Variants in ATP2A1 observed in about 807,000 individuals in gnomAD.
The protein encoded by ATP2A1 is sarcoplasmic/endoplasmic reticulum calcium ATPase 1.
In ATP2A1, 83 loss-of-function variants were observed where a neutral mutation model predicts 109.5. That is an observed-to-expected ratio of 0.76 (90% confidence interval 0.63 to 0.91). The LOEUF is 0.91. Ranked by LOEUF, ATP2A1 falls within the 40% of genes least tolerant of loss-of-function variation. The pLI, the probability that ATP2A1 is intolerant of heterozygous loss-of-function variation, is 0.00. For synonymous variants in ATP2A1, 505 were observed against 537.6 expected (o/e 0.94, Z 0.84); for missense variants, 1,101 against 1,341.0 (o/e 0.82, Z 2.80).
At position 28,903,654 on chromosome 16, in the gene ATP2A1, A is replaced by G; in HGVS notation, c.2981-46A>G. ...CCACAGCCCCTATAGCCCCCATGCC[A>G]CCTCCCTGCCTTGATAACAGTGCCT... On this transcript the variant is annotated intron_variant, in intron 21 of 22. Coordinates refer to ENST00000395503, the MANE Select transcript of ATP2A1 (RefSeq NM_004320.6). The surrounding 1 kb of genome is among the most constrained non-coding windows in gnomAD (Gnocchi z 5.6). 1 of 1,533,234 alleles carries G rather than the reference A, an allele frequency of 6.5e-7. No homozygotes were observed. The highest frequency in any genetic ancestry group is 2.3e-5 in the East Asian group (1 of 44,146). 95.0% of individuals were successfully genotyped at this position (1,533,234 alleles called of 1,614,324 possible).
chr16:28,901,019 A>C, intron 15 of ATP2A1, 103 bp downstream of exon 15: 1 of 1,456,056 alleles, frequency 6.9e-7, no homozygotes, highest in Non-Finnish European at 9.5e-7. Flanking sequence ...GGTAAGATGC[A>C]AGAAGGGTGG....
rs1747186400 is a variant in ATP2A1, at chr16:28,888,911, C to T, written c.1053C>T (p.Asp351=). 6.2e-7 allele frequency: 1 copy of T among 1,614,182 alleles called. No homozygotes were observed. Among genetic ancestry groups the T allele is most frequent in the Non-Finnish European group, 8.5e-7 (1 of 1,180,030 alleles). The change falls in exon 9 of 23, where the codon GAC becomes GAT. Residue 351 remains aspartate (D), a synonymous_variant. Transcript: ENST00000395503. ...GCTGCACCTCTGTCATCTGTTCCGACAAGACAGGCACCCTCACCACCAACC... is the reference window on the plus strand; with the variant it reads ...GCTGCACCTCTGTCATCTGTTCCGATAAGACAGGCACCCTCACCACCAACC... The part of the protein sequence containing the change: ...TLGCTSVICS[D]KTGTLTTNQM...
rs971636182 is a variant in ATP2A1, at chr16:28,880,819, C to G, written c.220-96C>G. The G allele has an allele frequency of 3.7e-5, 46 of 1,245,702 alleles. No individual in the cohort carries two copies. In the East Asian group the frequency reaches 9.3e-4, roughly 25 times the overall value. 77.2% of individuals were successfully genotyped at this position (1,245,702 alleles called of 1,614,324 possible). A position where few individuals can be genotyped will look rare whatever the true frequency, so the allele number is the denominator to read the frequency against. ...CGGCCCTCCTGCTGGCTCCTGCACT[C>G]TCCTGCACAGTTCTCCCCTTTGCAG... is the stretch of plus-strand genomic sequence containing the variant. On this transcript the variant is annotated intron_variant, in intron 3 of 22. Coordinates refer to ENST00000395503, the MANE Select transcript of ATP2A1 (RefSeq NM_004320.6). This position sits in a 1 kb window ranked among gnomAD's most constrained non-coding sequence, Gnocchi z 4.2.
intron 4 of ATP2A1, 150 bp downstream of exon 4, chr16:28,881,169 G>A (rs1219836573): frequency 1.2e-6 from 1 of 831,352 alleles, no homozygotes; most frequent in African/African-American, 1.7e-5. Context: ...GGAGTGTGGG[G>A]AAGAGGTGGG....
In ATP2A1 at chr16:28,900,693, G is replaced by A; in HGVS notation, c.1877G>A (p.Gly626Glu). 1 of 1,613,928 alleles carries A rather than the reference G, an allele frequency of 6.2e-7. No individual in the cohort carries two copies. The highest frequency in any genetic ancestry group is 8.5e-7 in the Non-Finnish European group (1 of 1,179,848). The change falls in exon 15 of 23, where the codon GGG (glycine) becomes GAG (glutamate). Residue 626 changes from glycine to glutamate, a missense_variant. Coordinates refer to ENST00000395503, the MANE Select transcript of ATP2A1 (RefSeq NM_004320.6). The part of the protein sequence containing the change: ...DAGIRVIMIT[G>E]DNKGTAIAIC... ...GGGATCCGGGTGATCATGATCACTGGGGACAACAAGGGCACAGCCATTGCC... is the reference window on the plus strand; with the variant it reads ...GGGATCCGGGTGATCATGATCACTGAGGACAACAAGGGCACAGCCATTGCC...
At position 28,900,624 on chromosome 16, in the gene ATP2A1, C is replaced by T. The variant is rs371822329; in HGVS notation, c.1808C>T (p.Pro603Leu). ...GGTGTAGTGGGCATGCTGGACCCTCCGCGCAAGGAGGTCACGGGCTCCATC... is the reference window on the plus strand; with the variant it reads ...GGTGTAGTGGGCATGCTGGACCCTCTGCGCAAGGAGGTCACGGGCTCCATC... ...FVGVVGMLDP[P>L]RKEVTGSIQL... Residue 603 changes from proline (P) to leucine (L), a missense_variant, in exon 15 of 23, where the codon CCG becomes CTG. Pro to Leu is a moderately conservative substitution (Grantham distance 98). Transcript: ENST00000395503. 5 of 1,591,710 alleles carry T rather than the reference C, an allele frequency of 3.1e-6. No homozygotes were observed. The highest frequency in any genetic ancestry group is 1.7e-5 in the Admixed American group (1 of 59,232).
At position 28,883,898 on chromosome 16, in the gene ATP2A1, C is replaced by T. The variant is rs569049741; in HGVS notation, c.464-677C>T. ...TGCTCAGACCGGGCTGTCAGGTTCC[C>T]GATATGTGGTCCTCTCCATGACCAC... On this transcript the variant is annotated intron_variant, in intron 5 of 22. Transcript: ENST00000395503. This position sits in a 1 kb window ranked among gnomAD's most constrained non-coding sequence, Gnocchi z 5.2. Among the ~76,000 whole-genome samples the T allele has an allele frequency of 1.3e-5, 2 of 152,214 alleles. No homozygotes were observed. The highest frequency in any genetic ancestry group is 2.9e-5 in the Non-Finnish European group (2 of 68,000).
At chr16:28,901,612 G>A (rs1444811412) in intron 15 of ATP2A1, among the ~76,000 whole-genome samples, 3 of 151,706 alleles carry the variant, frequency 2.0e-5, no homozygotes, top group Non-Finnish European at 2.9e-5. Flanking sequence ...CAGCCTGGGC[G>A]ACAGAGTGAG....
rs1239500975 is a variant in ATP2A1 at position 28,902,544 on chromosome 16, C to T, written c.2525-36C>T. Reference sequence around the variant, plus strand: ...CAACCCTCGATGCCCCCTATCTCCCCAGCCCTGACCCCCGACTCCCCTCTC... The same window carrying T: ...CAACCCTCGATGCCCCCTATCTCCCTAGCCCTGACCCCCGACTCCCCTCTC... On this transcript the variant is annotated intron_variant, in intron 17 of 22. Coordinates refer to ENST00000395503, the MANE Select transcript of ATP2A1 (RefSeq NM_004320.6). The surrounding 1 kb of genome is among the most constrained non-coding windows in gnomAD (Gnocchi z 4.8). 1.2e-6 allele frequency: 2 copies of T among 1,608,126 alleles called. No homozygotes were observed. The highest frequency in any genetic ancestry group is 2.2e-5 in the East Asian group (1 of 44,844).
rs1203169806 is a variant in ATP2A1, at chr16:28,894,903, A to G, written c.1369A>G (p.Thr457Ala). 9.9e-6 allele frequency: 16 copies of G among 1,612,508 alleles called. No homozygotes were observed. Among genetic ancestry groups the G allele is most frequent in the Middle Eastern group, 1.7e-4 (1 of 6,060 alleles). ...GGTGGAGAAGATGAATGTGTTCAAC[A>G]CGGATGTGAGAAGCCTCTCGAAGGT... Reference protein sequence around the residue: ...TLVEKMNVFNTDVRSLSKVER... With the variant: ...TLVEKMNVFNADVRSLSKVER... The change falls in exon 12 of 23, where the codon ACG becomes GCG. Residue 457 changes from threonine (T) to alanine (A), a missense_variant. By Grantham distance (58) the Thr-to-Ala change is moderately conservative. Coordinates refer to ENST00000395503, the MANE Select transcript of ATP2A1 (RefSeq NM_004320.6).
intron 8 of ATP2A1, among the ~76,000 whole-genome samples, chr16:28,888,009 G>A (rs1359169130): frequency 4.0e-5 from 6 of 151,876 alleles, no homozygotes; most frequent in East Asian, 3.9e-4. Context: ...CACCGTGTTA[G>A]CCAGGATGGT....
chr16:28,894,274 C>A, intron 10 of ATP2A1, 31 bp downstream of exon 10: 1 of 1,594,420 alleles, frequency 6.3e-7, no homozygotes, highest in Non-Finnish European at 8.6e-7. Context: ...CTCCCCAGCT[C>A]CTCACGCCCC....
chr16:28,878,586 C>A lies in ATP2A1; in HGVS notation c.-86C>A. The A allele has an allele frequency of 9.1e-7, 1 of 1,096,822 alleles. No individual in the cohort carries two copies. The highest frequency in any genetic ancestry group is 1.4e-6 in the Non-Finnish European group (1 of 733,036). 67.9% of individuals were successfully genotyped at this position (1,096,822 alleles called of 1,614,324 possible). On this transcript the variant is annotated 5_prime_UTR_variant, in exon 1 of 23. Transcript: ENST00000395503. ...AAAAGAAGAAACCCAGGCAGACAGG[C>A]AGTTGGACACACTGAGGAAGACCCC...
rs371022017 is a variant in ATP2A1, at chr16:28,882,479, C to A, written c.353C>A (p.Ala118Asp). Residue 118 changes from alanine (A) to aspartate (D), a missense_variant, in exon 5 of 23, where the codon GCC becomes GAC. By Grantham distance (126) the Ala-to-Asp change is moderately radical. Transcript: ENST00000395503. ...QERNAENAIE[A>D]LKEYEPEMGK... is the part of the protein sequence containing the mutation. ...CGGAACGCAGAGAACGCCATCGAGG[C>A]CCTGAAGGAGTATGAGCCAGAGATG... 2 of 1,614,066 alleles carry A rather than the reference C, an allele frequency of 1.2e-6. No homozygotes were observed. Among genetic ancestry groups the A allele is most frequent in the African/African-American group, 2.7e-5 (2 of 74,918 alleles).
In ATP2A1 at chr16:28,901,927, C is replaced by T; in HGVS notation, c.2165C>T (p.Ser722Phe). The change falls in exon 16 of 23, where the codon TCT (serine) becomes TTT (phenylalanine). Residue 722 changes from serine (S) to phenylalanine (F), a missense_variant. Transcript: ENST00000395503. Reference protein sequence around the residue: ...KKAEIGIAMGSGTAVAKTASE... With the variant: ...KKAEIGIAMGFGTAVAKTASE... Reference sequence around the variant, plus strand: ...GCTGAGATTGGCATTGCCATGGGATCTGGCACTGCCGTGGCCAAGACTGCC... The same window carrying T: ...GCTGAGATTGGCATTGCCATGGGATTTGGCACTGCCGTGGCCAAGACTGCC... 6.2e-7 allele frequency: 1 copy of T among 1,614,258 alleles called. No homozygotes were observed.
intron 22 of ATP2A1, among the ~76,000 whole-genome samples, 167 bp from the exon 23 acceptor site, chr16:28,904,013 T>G (rs573544951): frequency 3.6e-4 from 44 of 123,108 alleles, no homozygotes; most frequent in African/African-American, 1.2e-3. Context: ...GCTGTGGGGC[T>G]GCAGTGGGGG....
chr16:28,882,374 T>C, intron 4 of ATP2A1, 77 bp from the exon 5 acceptor site: 1 of 1,605,910 alleles, frequency 6.2e-7, no homozygotes, highest in Non-Finnish European at 8.5e-7. Context: ...TTTTGTTGCC[T>C]CCCCCGTGCC....
intron 7 of ATP2A1, 23 bp from the exon 8 acceptor site, chr16:28,887,402 C>T (rs770431380): frequency 3.7e-6 from 6 of 1,613,904 alleles, no homozygotes; most frequent in East Asian, 2.2e-5. Context: ...GCCTGATTCC[C>T]TGCCTCCTCT....
rs1332742510 is a variant in ATP2A1 at position 28,901,937 on chromosome 16, C to T, written c.2175C>T (p.Ala725=). The change falls in exon 16 of 23, where the codon GCC becomes GCT. Residue 725 remains alanine, a synonymous_variant. Transcript: ENST00000395503. ...EIGIAMGSGT[A]VAKTASEMVL... is the part of the protein sequence containing the mutation. ...GCATTGCCATGGGATCTGGCACTGC[C>T]GTGGCCAAGACTGCCTCTGAGATGG... 6 of 1,614,250 alleles carry T rather than the reference C, an allele frequency of 3.7e-6. No homozygotes were observed. Among genetic ancestry groups the T allele is most frequent in the South Asian group, 1.1e-5 (1 of 91,084 alleles).
Sources: allele counts gnomAD v4.1 joint callset (sites outside exome capture counted in the v4.1 genomes callset), GRCh38; gene constraint gnomAD v4.1.1; non-coding constraint Gnocchi (gnomAD v3.1); transcripts MANE v1.5; gene names NCBI Gene and HGNC (gene_info 2026-07-23, HGNC 2026-07-21).